Variants in SLC2A13 observed in about 807,000 individuals in gnomAD.
SLC2A13 encodes proton myo-inositol cotransporter.
In SLC2A13, 32 loss-of-function variants were observed where a neutral mutation model predicts 64.4. The ratio of observed to expected loss-of-function variants is 0.50; its 90% confidence interval spans 0.37 to 0.67. SLC2A13 has a LOEUF of 0.67. SLC2A13 is among the 30% of genes least tolerant of loss of function. The pLI is 0.00. For missense variants in SLC2A13, 743 were observed against 829.2 expected, an observed-to-expected ratio of 0.90 and a Z score of 1.28; for synonymous variants, 338 against 327.1, an observed-to-expected ratio of 1.03 and a Z score of -0.36.
chr12:39,947,516 G>C (rs183403457), intron 4 of SLC2A13, among the ~76,000 whole-genome samples: 1 of 152,170 alleles, frequency 6.6e-6, no homozygotes, highest in East Asian at 1.9e-4. Context: ...CTCCAAACAT[G>C]AACACATGTA....
At chr12:39,831,373 A>G (rs1942846844) in intron 6 of SLC2A13, among the ~76,000 whole-genome samples, 1 of 152,190 alleles carries the variant, frequency 6.6e-6, no homozygotes. Flanking sequence ...ATTAAAGATC[A>G]GTCAGCACAG....
chr12:39,988,808 A>G (rs1044583743), intron 3 of SLC2A13, among the ~76,000 whole-genome samples: 2 of 151,986 alleles, frequency 1.3e-5, no homozygotes, highest in Non-Finnish European at 2.9e-5. Context: ...GATTTTTATC[A>G]TATATAAGTC....
At chr12:40,024,633 T>C (rs186204741) in intron 3 of SLC2A13, among the ~76,000 whole-genome samples, 1,731 of 152,326 alleles carry the variant, frequency 0.011, 21 homozygotes, top group Non-Finnish European at 0.018. Context: ...AGTTAATTGC[T>C]CTTTCATTTA....
At chr12:39,954,173 G>A (rs1946279662) in intron 3 of SLC2A13, among the ~76,000 whole-genome samples, 1 of 152,176 alleles carries the variant, frequency 6.6e-6, no homozygotes, top group South Asian at 2.1e-4. Flanking sequence ...AAACAAATGA[G>A]GCGAACCCTG....
chr12:39,755,580 GA>G lies in SLC2A13; in HGVS notation c.*4445del, dbSNP rs1939951336. The G allele has an allele frequency of 6.6e-6, 1 of 151,854 alleles. No homozygotes were observed. Among genetic ancestry groups the G allele is most frequent in the Non-Finnish European group, 1.5e-5 (1 of 67,820 alleles). 9.4% of individuals were successfully genotyped at this position (151,854 alleles called of 1,614,324 possible). ...GTCTCTTCTTTTTTAACCTTTAAAT[GA>G]GATGGAATAATGTTGTTTGCTAAAA... On this transcript the variant is annotated 3_prime_UTR_variant, in exon 10 of 10. Coordinates refer to ENST00000280871, the MANE Select transcript of SLC2A13 (RefSeq NM_052885.4).
intron 4 of SLC2A13, among the ~76,000 whole-genome samples, chr12:39,896,519 T>TGTATACATGTATGTATGTATGTGTGTAA (rs1944907198): frequency 7.1e-6 from 1 of 139,964 alleles, no homozygotes; most frequent in Non-Finnish European, 1.6e-5. Flanking sequence ...CATGTGTGTA[T>TGTATACATGTATGTATGTATGTGTGTAA]ACATGTATAC....
At chr12:40,043,269 G>A (rs1276037217) in intron 2 of SLC2A13, among the ~76,000 whole-genome samples, 1 of 152,042 alleles carries the variant, frequency 6.6e-6, no homozygotes, top group Non-Finnish European at 1.5e-5. Context: ...TTCAAAAAAG[G>A]ATATTTTTTG....
chr12:39,786,125 C>A (rs138858937), intron 7 of SLC2A13, among the ~76,000 whole-genome samples: 1,670 of 152,104 alleles, frequency 0.011, 25 homozygotes, highest in African/African-American at 0.037. Context: ...GGGCCAGGGG[C>A]GGAATGATGT....
chr12:39,958,003 C>G (rs750965549), intron 3 of SLC2A13, among the ~76,000 whole-genome samples: 1 of 152,140 alleles, frequency 6.6e-6, no homozygotes, highest in Non-Finnish European at 1.5e-5. Context: ...TAAGGAAGGA[C>G]CCACAAGAGG....
intron 4 of SLC2A13, among the ~76,000 whole-genome samples, chr12:39,900,106 T>A (rs138418616): frequency 6.6e-6 from 1 of 152,118 alleles, no homozygotes; most frequent in African/African-American, 2.4e-5. Flanking sequence ...ATTATCTCAA[T>A]AGAGGCAGAA....
chr12:39,785,116 A>G (rs1038945856), intron 7 of SLC2A13, among the ~76,000 whole-genome samples: 2 of 152,186 alleles, frequency 1.3e-5, no homozygotes, highest in Non-Finnish European at 2.9e-5. Flanking sequence ...CCTAATGTGA[A>G]TCCCCAAGAC....
At chr12:40,058,710 TACA>T (rs1467067053) in intron 1 of SLC2A13, among the ~76,000 whole-genome samples, 1 of 152,242 alleles carries the variant, frequency 6.6e-6, no homozygotes, top group African/African-American at 2.4e-5. Flanking sequence ...TGAAACATTT[TACA>T]ACATTTGAAC....
In SLC2A13 at chr12:39,761,269, T is replaced by G. The variant is rs571531653; in HGVS notation, c.1721-1017A>C. ...AAGTAAAATAAGGGGGCTTCTCAGC[T>G]CCTACTTAAGTGTTGGCAGTTTATG... On this transcript the variant is annotated intron_variant, in intron 9 of 9. Transcript: ENST00000280871. Among the ~76,000 whole-genome samples the G allele has an allele frequency of 2.7e-3, 406 of 151,978 alleles. 2 individuals are homozygous for G. The highest frequency in any genetic ancestry group is 9.1e-3 in the African/African-American group (378 of 41,502).
intron 3 of SLC2A13, among the ~76,000 whole-genome samples, chr12:39,999,132 AG>A (rs1947282588): frequency 6.6e-6 from 1 of 152,184 alleles, no homozygotes; most frequent in South Asian, 2.1e-4. Context: ...TCATAAGCTG[AG>A]GATGTACGTC....
At chr12:39,774,558 C>A (rs1344660614) in intron 7 of SLC2A13, among the ~76,000 whole-genome samples, 1 of 149,108 alleles carries the variant, frequency 6.7e-6, no homozygotes, top group Non-Finnish European at 1.5e-5. Context: ...AAAATCCTGC[C>A]CTTGAATGAT....
In SLC2A13 at chr12:39,915,901, T is replaced by G. The variant is rs114462422; in HGVS notation, c.1034+35356A>C. On this transcript the variant is annotated intron_variant, in intron 4 of 9. Transcript: ENST00000280871. Reference sequence around the variant, plus strand: ...CACGACAAATCTCTGATTTACAGCATAATTTCTACAAAAAACTTAAAGAAA... The same window carrying G: ...CACGACAAATCTCTGATTTACAGCAGAATTTCTACAAAAAACTTAAAGAAA... Among the ~76,000 whole-genome samples the G allele has an allele frequency of 4.2e-3, 643 of 152,086 alleles. 15 individuals are homozygous for G. Among genetic ancestry groups the G allele is most frequent in the African/African-American group, 0.014 (568 of 41,482 alleles).
chr12:39,981,746 T>A (rs1332995701), intron 3 of SLC2A13, among the ~76,000 whole-genome samples: 5 of 147,312 alleles, frequency 3.4e-5, no homozygotes, highest in Non-Finnish European at 7.5e-5. Context: ...CTACCAGAGG[T>A]ACAAGGAGGA....
At chr12:39,917,542 T>A (rs1945541334) in intron 4 of SLC2A13, among the ~76,000 whole-genome samples, 1 of 152,084 alleles carries the variant, frequency 6.6e-6, no homozygotes. Context: ...GTGGGCATCA[T>A]CAATACACTG....
rs1939269207 is a variant in SLC2A13 at position 40,105,304 on chromosome 12, T to C, written c.505A>G (p.Asn169Asp). 1.9e-6 allele frequency: 3 copies of C among 1,602,404 alleles called. No individual in the cohort carries two copies. The highest frequency in any genetic ancestry group is 1.7e-6 in the Non-Finnish European group (2 of 1,176,208). The change falls in exon 1 of 10, where the codon AAC (asparagine) becomes GAC (aspartate). Residue 169 changes from asparagine (N) to aspartate (D), a missense_variant. Physicochemically the swap from Asn to Asp is conservative, Grantham distance 23. Transcript: ENST00000280871. This position sits in a 1 kb window ranked among gnomAD's most constrained non-coding sequence, Gnocchi z 4.2. ...TAGSAVLAAA[N>D]NKETLLAGRL... ...CCGGCGAGCAGTGTCTCCTTGTTGT[T>C]GGCCGCAGCCAGCACCGCGGAGCCG... is the stretch of plus-strand genomic sequence containing the variant.
Sources: allele counts gnomAD v4.1 joint callset (sites outside exome capture counted in the v4.1 genomes callset), GRCh38; gene constraint gnomAD v4.1.1; non-coding constraint Gnocchi (gnomAD v3.1); transcripts MANE v1.5; gene names NCBI Gene and HGNC (gene_info 2026-07-23, HGNC 2026-07-21).